Variants in CELF2 observed in about 807,000 individuals in gnomAD.
CELF2 encodes CUGBP Elav-like family member 2.
CELF2 carries 8 observed loss-of-function variants against 62.6 expected under a neutral mutation model. The ratio of observed to expected loss-of-function variants is 0.13; its 90% confidence interval spans 0.07 to 0.23. The LOEUF (loss-of-function observed/expected upper bound fraction) is 0.23. Ranked by LOEUF, CELF2 falls within the 10% of genes least tolerant of loss-of-function variation. The pLI is 1.00. For synonymous variants in CELF2, 258 were observed against 250.0 expected, an observed-to-expected ratio of 1.03 and a Z score of -0.30; for missense variants, 333 against 671.0, an observed-to-expected ratio of 0.50 and a Z score of 5.56.
intron 1 of CELF2, among the ~76,000 whole-genome samples, chr10:10,845,461 A>C (rs553284169): frequency 1.5e-5 from 1 of 68,060 alleles, no homozygotes; most frequent in East Asian, 3.3e-3. Context: ...AAAGCAAAAC[A>C]TACACACACA....
rs2061882707 is a variant in CELF2 at position 11,211,807 on chromosome 10, AGAGAGAGTGTGTGTGTGT to A, written c.272-5616_272-5599del. Among the ~76,000 whole-genome samples, 1 of 120,636 alleles carries A rather than the reference AGAGAGAGTGTGTGTGTGT, an allele frequency of 8.3e-6. No homozygotes were observed. Among genetic ancestry groups the A allele is most frequent in the Non-Finnish European group, 1.7e-5 (1 of 58,052 alleles). 79.1% of individuals were successfully genotyped at this position (120,636 alleles called of 152,430 possible). The stretch of plus-strand genomic sequence containing the variant: ...GTATGTGTGTGAGAGAGAGAGAGAG[AGAGAGAGTGTGTGTGTGT>A]GTGTGTGTGTGTGTGTGTGTGTGTG... On this transcript the variant is annotated intron_variant, in intron 2 of 12. Transcript: ENST00000633077. The surrounding 1 kb of genome is among the most constrained non-coding windows in gnomAD (Gnocchi z 4.8).
rs577122152 is a variant in CELF2 at position 11,246,097 on chromosome 10, T to C, written c.355-3056T>C. On this transcript the variant is annotated intron_variant, in intron 3 of 12. Coordinates refer to ENST00000633077, the MANE Select transcript of CELF2 (RefSeq NM_001326342.2). This position sits in a 1 kb window ranked among gnomAD's most constrained non-coding sequence, Gnocchi z 4.6. ...TTTTTGCTGCTCCCGAATTTCCACCTGCCATCATCCACGCATTTCACAGAT... is the reference window on the plus strand; with the variant it reads ...TTTTTGCTGCTCCCGAATTTCCACCCGCCATCATCCACGCATTTCACAGAT... Among the ~76,000 whole-genome samples the C allele has an allele frequency of 1.3e-5, 2 of 152,272 alleles. No homozygotes were observed. The highest frequency in any genetic ancestry group is 4.2e-4 in the South Asian group (2 of 4,816).
chr10:10,995,502 A>G lies in CELF2; in HGVS notation c.89+75503A>G, dbSNP rs140279261. 9.8e-5 allele frequency among the ~76,000 whole-genome samples: 15 copies of G among 152,318 alleles called. No individual in the cohort carries two copies. Among genetic ancestry groups the G allele is most frequent in the African/African-American group, 3.6e-4 (15 of 41,560 alleles). Reference sequence around the variant, plus strand: ...GAAAACAGCATGAACGAAAGCACAGACACAAGAGAAATTGTGTATTTGAGG... The same window carrying G: ...GAAAACAGCATGAACGAAAGCACAGGCACAAGAGAAATTGTGTATTTGAGG... On this transcript the variant is annotated intron_variant, in intron 2 of 13. Transcript: ENST00000636488. This position sits in a 1 kb window ranked among gnomAD's most constrained non-coding sequence, Gnocchi z 4.7.
At chr10:10,779,882 T>C in the CELF2 span, among the ~76,000 whole-genome samples, 2 of 152,084 alleles carry the variant, frequency 1.3e-5, no homozygotes, top group East Asian at 1.9e-4. Flanking sequence ...CTTTAAACTT[T>C]CTAGGTGTGA....
intron 1 of CELF2, among the ~76,000 whole-genome samples, chr10:10,845,615 T>A (rs561973921): frequency 6.6e-6 from 1 of 152,318 alleles, no homozygotes; most frequent in Admixed American, 6.5e-5. Flanking sequence ...CTGGTTAGGA[T>A]AATCAGCTTA....
chr10:10,640,066 A>C, the CELF2 span, among the ~76,000 whole-genome samples: 1 of 152,166 alleles, frequency 6.6e-6, no homozygotes, highest in Non-Finnish European at 1.5e-5. Flanking sequence ...AGCCTTTCCC[A>C]ATCCCTTAAT....
At chr10:10,727,637 G>T in the CELF2 span, among the ~76,000 whole-genome samples, 1 of 152,012 alleles carries the variant, frequency 6.6e-6, no homozygotes, top group Non-Finnish European at 1.5e-5. Flanking sequence ...TTAGCCGGGC[G>T]TGCTGGCGGG....
At chr10:11,112,346 G>A (rs905511868) in intron 1 of CELF2, among the ~76,000 whole-genome samples, 1 of 152,250 alleles carries the variant, frequency 6.6e-6, no homozygotes, top group Non-Finnish European at 1.5e-5. Flanking sequence ...AAGAATTTGA[G>A]ATGATGTGTT....
chr10:10,514,352 A>T, the CELF2 span, among the ~76,000 whole-genome samples: 1 of 152,196 alleles, frequency 6.6e-6, no homozygotes, highest in African/African-American at 2.4e-5. Flanking sequence ...CTACTGGTGA[A>T]TCCACTTAGT....
rs80283454 is a variant in CELF2, at chr10:11,274,751, A to G, written c.778-306A>G. ...GATGAGTTACGGTAACTGCTAGACT[A>G]CAGAGAGAGATAATTAGTCACGCTA... On this transcript the variant is annotated intron_variant, in intron 7 of 12. Transcript: ENST00000633077. 1.2e-3 allele frequency among the ~76,000 whole-genome samples: 180 copies of G among 152,352 alleles called. 3 individuals are homozygous for G. In the East Asian group the frequency reaches 0.028, roughly 24 times the overall value.
rs1183225030 is a variant in CELF2 at position 10,990,167 on chromosome 10, C to G, written c.89+70168C>G. On this transcript the variant is annotated intron_variant, in intron 2 of 13. Transcript: ENST00000636488. The surrounding 1 kb of genome is among the most constrained non-coding windows in gnomAD (Gnocchi z 4.6). ...TTTATAAATGCCCTTAATATTTAAT[C>G]TTAGAGGAATGGTTAAATAAATTAT... 6.6e-6 allele frequency among the ~76,000 whole-genome samples: 1 copy of G among 151,374 alleles called. No homozygotes were observed. The highest frequency in any genetic ancestry group is 1.5e-5 in the Non-Finnish European group (1 of 67,954).
At chr10:10,518,708 C>A in the CELF2 span, among the ~76,000 whole-genome samples, 1 of 133,974 alleles carries the variant, frequency 7.5e-6, no homozygotes, top group South Asian at 2.6e-4. Flanking sequence ...TATAACATAC[C>A]ACAAAATGAT....
rs995538308 is a variant in CELF2 at position 11,177,562 on chromosome 10, C to A, written c.271+11880C>A. On this transcript the variant is annotated intron_variant, in intron 2 of 12. Coordinates refer to ENST00000633077, the MANE Select transcript of CELF2 (RefSeq NM_001326342.2). This position sits in a 1 kb window ranked among gnomAD's most constrained non-coding sequence, Gnocchi z 4.8. ...GTGCTGGAAATGGACTTTTCCTTTG[C>A]ATTTCCATGAGTCAGGGAGAAAACA... 2.0e-5 allele frequency among the ~76,000 whole-genome samples: 3 copies of A among 152,138 alleles called. No individual in the cohort carries two copies. The highest frequency in any genetic ancestry group is 7.2e-5 in the African/African-American group (3 of 41,420).
At position 10,997,199 on chromosome 10, in the gene CELF2, T is replaced by G. The variant is rs538045322; in HGVS notation, c.89+77200T>G. On this transcript the variant is annotated intron_variant, in intron 2 of 13. Transcript: ENST00000636488. This position sits in a 1 kb window ranked among gnomAD's most constrained non-coding sequence, Gnocchi z 5.3. ...CCCTTGTGTTTCCTCATTTGTGTCA[T>G]GTGGGTGATAATGCAGATTTACGGG... Among the ~76,000 whole-genome samples the G allele has an allele frequency of 1.3e-5, 2 of 152,176 alleles. No individual in the cohort carries two copies. Among genetic ancestry groups the G allele is most frequent in the Non-Finnish European group, 2.9e-5 (2 of 68,020 alleles).
At chr10:11,060,922 G>T (rs1312092715) in intron 1 of CELF2, among the ~76,000 whole-genome samples, 2 of 152,170 alleles carry the variant, frequency 1.3e-5, no homozygotes, top group African/African-American at 4.8e-5. Context: ...GCCATTCTCT[G>T]TCTTTCTCCC....
the CELF2 span, among the ~76,000 whole-genome samples, chr10:10,506,396 C>A: frequency 6.6e-6 from 1 of 151,768 alleles, no homozygotes; most frequent in South Asian, 2.1e-4. Context: ...AGTGAGGGTC[C>A]TAAAAAGGCT....
intron 8 of CELF2, among the ~76,000 whole-genome samples, chr10:11,286,612 T>C (rs984545567): frequency 2.0e-5 from 3 of 152,188 alleles, no homozygotes; most frequent in African/African-American, 7.2e-5. Context: ...TCCTCCATTT[T>C]CCTAAAGTAA....
intron 1 of CELF2, among the ~76,000 whole-genome samples, chr10:10,836,604 T>G (rs1410896505): frequency 6.6e-6 from 1 of 152,200 alleles, no homozygotes; most frequent in African/African-American, 2.4e-5. Flanking sequence ...TATAGAAGAC[T>G]CCCTTTTGCC....
chr10:11,326,602 G>C (rs1396706460), intron 12 of CELF2, among the ~76,000 whole-genome samples: 1 of 152,144 alleles, frequency 6.6e-6, no homozygotes, highest in Non-Finnish European at 1.5e-5. Flanking sequence ...GGTGTTTTTC[G>C]CTCCCTTAGG....
Sources: allele counts gnomAD v4.1 joint callset (sites outside exome capture counted in the v4.1 genomes callset), GRCh38; gene constraint gnomAD v4.1.1; non-coding constraint Gnocchi (gnomAD v3.1); transcripts MANE v1.5; gene names NCBI Gene and HGNC (gene_info 2026-07-23, HGNC 2026-07-21).